Variants in ADGRB1 observed in about 807,000 individuals in gnomAD.
The protein encoded by ADGRB1 is adhesion G protein-coupled receptor B1.
In ADGRB1, 36 loss-of-function variants were observed where a neutral mutation model predicts 175.7. That is an observed-to-expected ratio of 0.20 (90% CI 0.16 to 0.27). The LOEUF (loss-of-function observed/expected upper bound fraction) is 0.27. ADGRB1 is among the 10% of genes least tolerant of loss of function. The pLI is 1.00. For missense variants in ADGRB1, 1,731 were observed against 2,255.3 expected, an observed-to-expected ratio of 0.77 and a Z score of 4.71; for synonymous variants, 1,054 against 979.4, an observed-to-expected ratio of 1.08 and a Z score of -1.42.
At position 142,543,839 on chromosome 8, in the gene ADGRB1, C is replaced by G. The variant is rs957883632; in HGVS notation, c.4557+131C>G. On this transcript the variant is annotated intron_variant, in intron 30 of 30. Transcript: ENST00000517894. This position sits in a 1 kb window ranked among gnomAD's most constrained non-coding sequence, Gnocchi z 4.4. ...CCATTCGTTCATTCATTCATTCATT[C>G]GCCCATCCCTGAGGGCTGGCCTGAC... 7.1e-6 allele frequency: 7 copies of G among 982,064 alleles called. No individual in the cohort carries two copies. The highest frequency in any genetic ancestry group is 1.6e-5 in the African/African-American group (1 of 62,314). 60.8% of individuals were successfully genotyped at this position (982,064 alleles called of 1,614,324 possible).
In ADGRB1 at chr8:142,511,640, T is replaced by A. The variant is rs1339229478; in HGVS notation, c.2817+567T>A. Among the ~76,000 whole-genome samples, 1 of 152,034 alleles carries A rather than the reference T, an allele frequency of 6.6e-6. No individual in the cohort carries two copies. The highest frequency in any genetic ancestry group is 1.5e-5 in the Non-Finnish European group (1 of 67,954). ...GGGGCTTCCTTTTTGTTCCTGTGAT[T>A]CCTGTGGGGGCTGCCGGTTTCTATG... is the stretch of plus-strand genomic sequence containing the variant. On this transcript the variant is annotated intron_variant, in intron 18 of 30. Transcript: ENST00000517894. This position sits in a 1 kb window ranked among gnomAD's most constrained non-coding sequence, Gnocchi z 4.5.
chr8:142,490,516 G>A (rs527696807), intron 16 of ADGRB1, among the ~76,000 whole-genome samples: 185 of 152,356 alleles, frequency 1.2e-3, no homozygotes, highest in African/African-American at 4.1e-3. Context: ...CCTGGCCACT[G>A]GACCTGGGCT....
At position 142,542,241 on chromosome 8, in the gene ADGRB1, C is replaced by T. The variant is rs755251918; in HGVS notation, c.4007C>T (p.Ala1336Val). Residue 1336 changes from alanine (A) to valine (V), a missense_variant, in exon 28 of 31, where the codon GCC becomes GTC. Physicochemically the swap from Ala to Val is moderately conservative, Grantham distance 64. This residue lies in a region of ADGRB1 where 394 missense variants were observed against 410.2 expected (regional missense o/e 0.96). Coordinates refer to ENST00000517894, the MANE Select transcript of ADGRB1 (RefSeq NM_001702.3). This position sits in a 1 kb window ranked among gnomAD's most constrained non-coding sequence, Gnocchi z 6.3. ...FKKLDSELSRAQEKALDTSYV... is the reference protein window; with the variant it reads ...FKKLDSELSRVQEKALDTSYV... Reference sequence around the variant, plus strand: ...AAGCTGGACTCGGAGCTGAGCCGGGCCCAGGAGAAGGCTCTGGACACGAGC... The same window carrying T: ...AAGCTGGACTCGGAGCTGAGCCGGGTCCAGGAGAAGGCTCTGGACACGAGC... The T allele has an allele frequency of 7.4e-6, 12 of 1,613,462 alleles. No homozygotes were observed. The highest frequency in any genetic ancestry group is 1.0e-5 in the Non-Finnish European group (12 of 1,179,844).
Position 142,488,498 on chromosome 8 carries a change from G to A in ADGRB1, c.2443G>A (p.Gly815Arg). The A allele has an allele frequency of 6.2e-7, 1 of 1,612,636 alleles. No individual in the cohort carries two copies. Among genetic ancestry groups the A allele is most frequent in the Non-Finnish European group, 8.5e-7 (1 of 1,179,710 alleles). ...VTVSKSVFST[G>R]LTEADEASVF... The stretch of plus-strand genomic sequence containing the variant: ...TGTGTCCAAGAGTGTCTTCTCCACG[G>A]GGCTGACAGGTGAGGGGCCCAGGGA... The change falls in exon 14 of 31, where the codon GGG becomes AGG. Residue 815 changes from glycine (G) to arginine (R), a missense_variant. By Grantham distance (125) the Gly-to-Arg change is moderately radical (BLOSUM62 -2). Transcript: ENST00000517894.
At chr8:142,476,533 A>G (rs2131788732) in intron 3 of ADGRB1, 52 bp from the exon 4 acceptor site, 1 of 1,491,334 alleles carries the variant, frequency 6.7e-7, no homozygotes, top group Non-Finnish European at 9.1e-7. Flanking sequence ...CCACAGAGAG[A>G]GAGGACGGGG....
Position 142,543,465 on chromosome 8 carries a change from G to C in ADGRB1, c.4449+27G>C. ...TGAGTTCTGGTGTCCCCCCCCACCA[G>C]ACACTTAGGGCCAGATGTGCTCTGG... is the stretch of plus-strand genomic sequence containing the variant. On this transcript the variant is annotated intron_variant, in intron 29 of 30. Transcript: ENST00000517894. The surrounding 1 kb of genome is among the most constrained non-coding windows in gnomAD (Gnocchi z 4.4). 1 of 1,613,386 alleles carries C rather than the reference G, an allele frequency of 6.2e-7. No homozygotes were observed. Among genetic ancestry groups the C allele is most frequent in the Non-Finnish European group, 8.5e-7 (1 of 1,179,648 alleles).
intron 23 of ADGRB1, 43 bp downstream of exon 23, chr8:142,524,347 G>GC (rs1244063278): frequency 1.3e-6 from 2 of 1,541,566 alleles, no homozygotes; most frequent in Non-Finnish European, 1.7e-6. Context: ...CCCCACCTGG[G>GC]CCCCCCACCT....
chr8:142,480,217 C>G (rs972562484), intron 9 of ADGRB1, among the ~76,000 whole-genome samples: 3 of 152,214 alleles, frequency 2.0e-5, no homozygotes, highest in African/African-American at 7.2e-5. Flanking sequence ...GGCAGGCCTC[C>G]TTTGCTCCTC....
Position 142,464,318 on chromosome 8 carries a change from C to T in ADGRB1, c.120C>T (p.Pro40=). 6.7e-7 allele frequency: 1 copy of T among 1,486,636 alleles called. No homozygotes were observed. 92.1% of individuals were successfully genotyped at this position (1,486,636 alleles called of 1,614,324 possible). ...AAAGADAGPG[P]EPCATLVQGK... ...CCGGAGCAGACGCGGGGCCCGGGCC[C>T]GAGCCGTGCGCCACGCTGGTGCAGG... Residue 40 remains proline, a synonymous_variant, in exon 2 of 31, where the codon CCC becomes CCT. Transcript: ENST00000517894.
intron 24 of ADGRB1, among the ~76,000 whole-genome samples, chr8:142,532,256 C>T (rs899112404): frequency 2.0e-5 from 3 of 152,206 alleles, no homozygotes; most frequent in Admixed American, 1.3e-4. Flanking sequence ...GAGCACTCAC[C>T]GCAGCCGGGG....
chr8:142,537,133 C>CG lies in ADGRB1; in HGVS notation c.3666+52dup. 1 of 1,344,234 alleles carries CG rather than the reference C, an allele frequency of 7.4e-7. No homozygotes were observed. The highest frequency in any genetic ancestry group is 1.5e-5 in the African/African-American group (1 of 66,018). The allele number at this position is 1,344,234 out of a possible 1,614,324, so 83.3% of individuals were successfully genotyped here. On this transcript the variant is annotated intron_variant, in intron 26 of 30. Coordinates refer to ENST00000517894, the MANE Select transcript of ADGRB1 (RefSeq NM_001702.3). This position sits in a 1 kb window ranked among gnomAD's most constrained non-coding sequence, Gnocchi z 4.6. ...GGCTGCCCTACCTGCCTCGTACCCC[C>CG]GCCAAGTGCCTCCAGGCCCTCACCG...
intron 17 of ADGRB1, among the ~76,000 whole-genome samples, chr8:142,494,286 C>T (rs1306863116): frequency 7.3e-6 from 1 of 136,142 alleles, no homozygotes; most frequent in Non-Finnish European, 1.6e-5. Flanking sequence ...ATAGGCTGAG[C>T]CCTGATCCTA....
Position 142,511,753 on chromosome 8 carries a change from G to C in ADGRB1, c.2817+680G>C, listed in dbSNP as rs149063780. Among the ~76,000 whole-genome samples the C allele has an allele frequency of 6.6e-6, 1 of 152,208 alleles. No individual in the cohort carries two copies. Among genetic ancestry groups the C allele is most frequent in the East Asian group, 1.9e-4 (1 of 5,192 alleles). ...CGGGTGGGCTCTCTTGCTTTGGGCCGGCCAAGCTGCACCCCCTGGCCTGAG... is the reference window on the plus strand; with the variant it reads ...CGGGTGGGCTCTCTTGCTTTGGGCCCGCCAAGCTGCACCCCCTGGCCTGAG... On this transcript the variant is annotated intron_variant, in intron 18 of 30. Coordinates refer to ENST00000517894, the MANE Select transcript of ADGRB1 (RefSeq NM_001702.3). This position sits in a 1 kb window ranked among gnomAD's most constrained non-coding sequence, Gnocchi z 4.5.
At chr8:142,515,421 G>A (rs187897758) in intron 18 of ADGRB1, among the ~76,000 whole-genome samples, 5 of 152,028 alleles carry the variant, frequency 3.3e-5, no homozygotes, top group East Asian at 1.9e-4. Flanking sequence ...TGAGCCAGGC[G>A]GGGAGGAGAG....
intron 1 of ADGRB1, among the ~76,000 whole-genome samples, chr8:142,462,150 G>A (rs550446225): frequency 1.8e-4 from 27 of 152,260 alleles, no homozygotes; most frequent in African/African-American, 5.8e-4. Context: ...CCACGAATGC[G>A]CCAGGATGGG....
chr8:142,518,407 C>T (rs1450231072), intron 19 of ADGRB1, among the ~76,000 whole-genome samples, 166 bp downstream of exon 19: 4 of 46,712 alleles, frequency 8.6e-5, no homozygotes, highest in South Asian at 1.1e-3. Context: ...GTGGCCCCTC[C>T]GAGGCCTCCA....
intron 16 of ADGRB1, 122 bp from the exon 17 acceptor site, chr8:142,490,650 G>T (rs1290905370): frequency 4.2e-6 from 5 of 1,201,172 alleles, no homozygotes; most frequent in African/African-American, 1.5e-5. Context: ...AACGCAGTCT[G>T]TTCAGGGACC....
At chr8:142,489,154 G>A in intron 15 of ADGRB1, 44 bp downstream of exon 15, 1 of 1,564,688 alleles carries the variant, frequency 6.4e-7, no homozygotes, top group Non-Finnish European at 8.7e-7. Context: ...CAGGGCAGGT[G>A]GGGTGGGCAG....
At chr8:142,453,160 G>C (rs1053317438) in intron 1 of ADGRB1, among the ~76,000 whole-genome samples, 2 of 152,052 alleles carry the variant, frequency 1.3e-5, no homozygotes, top group Non-Finnish European at 2.9e-5. Context: ...GCGCTGGCGT[G>C]AGCGCGCGTT....
Sources: allele counts gnomAD v4.1 joint callset (sites outside exome capture counted in the v4.1 genomes callset), GRCh38; gene constraint gnomAD v4.1.1; regional missense constraint gnomAD v4.1.1; non-coding constraint Gnocchi (gnomAD v3.1); transcripts MANE v1.5; gene names NCBI Gene and HGNC (gene_info 2026-07-23, HGNC 2026-07-21).